C5: variants seen among roughly 807,000 people sequenced by gnomAD.
C5 encodes complement C5.
Under a neutral mutation model 218.8 loss-of-function variants are expected in C5, and 140 were observed. That is an observed-to-expected ratio of 0.64 (90% CI 0.56 to 0.74). C5 has a LOEUF of 0.74. Ranked by LOEUF, C5 falls within the 30% of genes least tolerant of loss-of-function variation. The pLI, the probability that C5 is intolerant of heterozygous loss-of-function variation, is 0.00. For missense variants in C5, 1,700 were observed against 1,969.6 expected (o/e 0.86, Z 2.59); for synonymous variants, 614 against 682.3 (o/e 0.90, Z 1.56).
chr9:121,020,471 T>A (rs1344298952), intron 11 of C5, among the ~76,000 whole-genome samples: 1 of 152,156 alleles, frequency 6.6e-6, no homozygotes, highest in African/African-American at 2.4e-5. Flanking sequence ...AATGTCATGG[T>A]AAGTTGGGAC....
At chr9:120,995,175 G>T (rs539614190) in intron 22 of C5, among the ~76,000 whole-genome samples, 47 of 152,316 alleles carry the variant, frequency 3.1e-4, no homozygotes, top group African/African-American at 1.1e-3. Context: ...ATACTCAGAT[G>T]AATTAAAGTG....
chr9:121,015,986 T>C (rs2047303821), intron 15 of C5, among the ~76,000 whole-genome samples: 1 of 152,186 alleles, frequency 6.6e-6, no homozygotes, highest in Non-Finnish European at 1.5e-5. Context: ...CTCCACTTGG[T>C]TCTGTAGAGC....
At chr9:121,032,248 A>T in intron 5 of C5, 53 bp from the exon 6 acceptor site, 1 of 1,053,074 alleles carries the variant, frequency 9.5e-7, no homozygotes, top group Non-Finnish European at 1.5e-6. Flanking sequence ...TTTTTAATTC[A>T]CTCAGAGGAG....
At chr9:121,012,507 T>C (rs949744712) in intron 17 of C5, among the ~76,000 whole-genome samples, 4 of 152,000 alleles carry the variant, frequency 2.6e-5, no homozygotes, top group Non-Finnish European at 4.4e-5. Context: ...AAAACAAAAC[T>C]CTGTCTCTCA....
At chr9:121,064,192 T>C in the C5 span, among the ~76,000 whole-genome samples, 2 of 152,172 alleles carry the variant, frequency 1.3e-5, no homozygotes, top group South Asian at 4.1e-4. Context: ...CTCTGTAATA[T>C]ATAATTGAGT....
At chr9:121,003,154 G>A (rs1390864463) in intron 20 of C5, among the ~76,000 whole-genome samples, 1 of 152,146 alleles carries the variant, frequency 6.6e-6, no homozygotes, top group Non-Finnish European at 1.5e-5. Context: ...AGCCAGGCGA[G>A]CTGGCACATG....
intron 17 of C5, among the ~76,000 whole-genome samples, chr9:121,011,574 T>TA (rs2047262481): frequency 6.6e-6 from 1 of 152,070 alleles, no homozygotes; most frequent in African/African-American, 2.4e-5. Context: ...GGAGGTTCCT[T>TA]AAAAAACAAA....
intron 3 of C5, among the ~76,000 whole-genome samples, 184 bp from the exon 4 acceptor site, chr9:121,038,135 G>A (rs112846372): frequency 3.9e-5 from 6 of 152,070 alleles, no homozygotes; most frequent in African/African-American, 1.4e-4. Context: ...TCTTATTTAA[G>A]AGAATCCTCA....
chr9:121,037,057 G>A (rs1188378352), intron 4 of C5, among the ~76,000 whole-genome samples: 7 of 151,740 alleles, frequency 4.6e-5, no homozygotes, highest in East Asian at 1.9e-4. Context: ...AATGCACAGC[G>A]TCTGTTACAT....
intron 8 of C5, chr9:121,025,918 G>C (rs1365514499): frequency 4.8e-6 from 1 of 207,862 alleles, no homozygotes; most frequent in East Asian, 1.2e-4. Flanking sequence ...GAGTTTGTTG[G>C]TTTTTATAAT....
At position 120,989,681 on chromosome 9, in the gene C5, C is replaced by T; in HGVS notation, c.3041G>A (p.Ser1014Asn). 1 of 1,613,788 alleles carries T rather than the reference C, an allele frequency of 6.2e-7. No individual in the cohort carries two copies. The highest frequency in any genetic ancestry group is 1.1e-5 in the South Asian group (1 of 91,062). Residue 1014 changes from serine (S) to asparagine (N), a missense_variant, in exon 24 of 41, where the codon AGC (serine) becomes AAC (asparagine). Ser to Asn is a conservative substitution (Grantham distance 46). Coordinates refer to ENST00000223642, the MANE Select transcript of C5 (RefSeq NM_001735.3). Reference sequence around the variant, plus strand: ...AAAAACATAGAATACTGGGACAACGCTCATCAGCTCCGCCTCTGCACTCCC... The same window carrying T: ...AAAAACATAGAATACTGGGACAACGTTCATCAGCTCCGCCTCTGCACTCCC... The part of the protein sequence containing the change: ...PKGSAEAELM[S>N]VVPVFYVFHY...
intron 30 of C5, 78 bp downstream of exon 30, chr9:120,974,701 T>C: frequency 7.7e-7 from 1 of 1,306,688 alleles, no homozygotes; most frequent in African/African-American, 1.5e-5. Flanking sequence ...AGAGATAGAT[T>C]TATAAAATAA....
At chr9:121,030,799 G>A (rs572641272) in intron 6 of C5, among the ~76,000 whole-genome samples, 1 of 152,242 alleles carries the variant, frequency 6.6e-6, no homozygotes, top group Admixed American at 6.5e-5. Flanking sequence ...CTTTTCAATT[G>A]TGACATAACA....
chr9:120,953,965 G>A (rs2046767064), intron 39 of C5, 97 bp from the exon 40 acceptor site: 3 of 1,280,714 alleles, frequency 2.3e-6, no homozygotes, highest in African/African-American at 1.5e-5. Context: ...GCTATTGAGA[G>A]GTTCATGGCT....
At chr9:121,030,781 CA>C (rs2047467705) in intron 6 of C5, among the ~76,000 whole-genome samples, 1 of 152,044 alleles carries the variant, frequency 6.6e-6, no homozygotes, top group South Asian at 2.1e-4. Context: ...TCCTTGAAAA[CA>C]AAAAAACTTT....
chr9:121,017,721 G>A lies in C5; in HGVS notation c.1638C>T (p.Val546=), dbSNP rs1269256187. ...CTAATTCTGCTGTCTGTTCTCCTGT[G>A]ACGATGTAATAGACCAGAAGTCGGG... The part of the protein sequence containing the change: ...PSSRLLVYYI[V]TGEQTAELVS... Residue 546 remains valine, a synonymous_variant, in exon 13 of 41, where the codon GTC becomes GTT. Coordinates refer to ENST00000223642, the MANE Select transcript of C5 (RefSeq NM_001735.3). The A allele has an allele frequency of 1.2e-6, 2 of 1,613,174 alleles. No homozygotes were observed. The highest frequency in any genetic ancestry group is 1.7e-5 in the Admixed American group (1 of 60,018).
intron 17 of C5, among the ~76,000 whole-genome samples, chr9:121,009,382 G>A (rs1394948281): frequency 6.6e-6 from 1 of 152,206 alleles, no homozygotes; most frequent in African/African-American, 2.4e-5. Context: ...GCAGTTTACA[G>A]ACTAGGGCAG....
intron 23 of C5, among the ~76,000 whole-genome samples, chr9:120,990,248 C>T (rs1391435619): frequency 1.3e-5 from 2 of 152,190 alleles, no homozygotes; most frequent in African/African-American, 4.8e-5. Context: ...CCAGTACTAA[C>T]ATTTTGTGAT....
chr9:121,017,476 T>G lies in C5; in HGVS notation c.1752A>C (p.Pro584=), dbSNP rs774435828. 1 of 1,613,870 alleles carries G rather than the reference T, an allele frequency of 6.2e-7. No individual in the cohort carries two copies. The highest frequency in any genetic ancestry group is 8.5e-7 in the Non-Finnish European group (1 of 1,179,908). ...CCATATTAAGAGACACAGTTTGGCC[T>G]GGAGAATATGCATCTGCATCAGGAG... ...HLSPDADAYS[P]GQTVSLNMAT... is the part of the protein sequence containing the mutation. The change falls in exon 14 of 41, where the codon CCA becomes CCC. Residue 584 remains proline, a synonymous_variant. Transcript: ENST00000223642.
Sources: gnomAD v4.1 joint callset for allele counts (sites outside exome capture counted in the v4.1 genomes callset) on GRCh38, gnomAD v4.1.1 for gene constraint, MANE v1.5 for transcripts, NCBI Gene and HGNC (gene_info 2026-07-23, HGNC 2026-07-21) for gene names.